Variants in SGCD observed in about 807,000 individuals in gnomAD.
The protein encoded by SGCD is sarcoglycan delta, also known as delta-sarcoglycan.
A neutral mutation model predicts 36.6 loss-of-function variants in SGCD; 18 were observed. That is an observed-to-expected ratio of 0.49 (90% confidence interval 0.34 to 0.73). SGCD has a LOEUF of 0.73. SGCD is among the 30% of genes least tolerant of loss of function. SGCD has a pLI of 0.01. For synonymous variants in SGCD, 133 were observed against 130.6 expected (o/e 1.02, Z -0.12); for missense variants, 387 against 346.7 (o/e 1.12, Z -0.92).
chr5:155,927,026 G>A (rs1020617981), intron 1 of SGCD, among the ~76,000 whole-genome samples: 1 of 152,062 alleles, frequency 6.6e-6, no homozygotes, highest in African/African-American at 2.4e-5. Flanking sequence ...CAATCACAGG[G>A]CAGCTCACTA....
chr5:155,802,603 T>A, the SGCD span, among the ~76,000 whole-genome samples: 1 of 152,236 alleles, frequency 6.6e-6, no homozygotes, highest in Admixed American at 6.5e-5. Flanking sequence ...GGCAAAATCA[T>A]ATGCTTGCGT....
chr5:155,999,926 A>G (rs1758630129), intron 1 of SGCD, among the ~76,000 whole-genome samples: 1 of 152,214 alleles, frequency 6.6e-6, no homozygotes. Flanking sequence ...TATTGGTATG[A>G]AGATTTAAAC....
chr5:156,072,270 A>G (rs10476273), intron 1 of SGCD, among the ~76,000 whole-genome samples: 38,970 of 151,444 alleles, frequency 0.26, 6,337 homozygotes, highest in African/African-American at 0.46. Context: ...GGCTGGTACC[A>G]GTTGTTCCTT....
intron 6 of SGCD, among the ~76,000 whole-genome samples, chr5:156,630,910 T>C (rs1314585608): frequency 6.6e-6 from 1 of 152,130 alleles, no homozygotes; most frequent in Admixed American, 6.5e-5. Context: ...GGTGAGTGCC[T>C]AACTCACAGC....
chr5:156,146,670 A>C (rs2127613108), intron 3 of SGCD, among the ~76,000 whole-genome samples: 1 of 152,360 alleles, frequency 6.6e-6, no homozygotes, highest in Non-Finnish European at 1.5e-5. Flanking sequence ...TATATTTTAC[A>C]GAGTGAGTGA....
chr5:156,529,980 A>G lies in SGCD; in HGVS notation c.294+21278A>G, dbSNP rs1319353105. On this transcript the variant is annotated intron_variant, in intron 4 of 8. Coordinates refer to ENST00000337851, the MANE Select transcript of SGCD (RefSeq NM_000337.6). Reference sequence around the variant, plus strand: ...TTTAAGATTGATAAATATTTCACAGATGCACTTGTTGCATATTGGAGGGGG... The same window carrying G: ...TTTAAGATTGATAAATATTTCACAGGTGCACTTGTTGCATATTGGAGGGGG... Among the ~76,000 whole-genome samples the G allele has an allele frequency of 2.0e-5, 3 of 152,226 alleles. No individual in the cohort carries two copies. The East Asian group carries it at 5.8e-4, about 29-fold the overall frequency.
At chr5:156,040,880 C>T (rs916318149) in intron 1 of SGCD, among the ~76,000 whole-genome samples, 1 of 152,140 alleles carries the variant, frequency 6.6e-6, no homozygotes, top group African/African-American at 2.4e-5. Context: ...GTGTAAGCCT[C>T]TAATTTAGGA....
At chr5:155,986,230 C>T (rs1758326774) in intron 1 of SGCD, among the ~76,000 whole-genome samples, 1 of 152,160 alleles carries the variant, frequency 6.6e-6, no homozygotes. Context: ...ATGGTGTACT[C>T]ACTTAAAATA....
At chr5:156,380,934 T>C (rs2127747617) in intron 3 of SGCD, among the ~76,000 whole-genome samples, 1 of 152,326 alleles carries the variant, frequency 6.6e-6, no homozygotes, top group East Asian at 1.9e-4. Flanking sequence ...GTGTGCATGG[T>C]GGTAGCATCA....
chr5:155,781,058 G>T, the SGCD span, among the ~76,000 whole-genome samples: 29 of 152,262 alleles, frequency 1.9e-4, no homozygotes, highest in Non-Finnish European at 3.2e-4. Flanking sequence ...GAAGTCAAGT[G>T]AGACTTTCAA....
intron 3 of SGCD, among the ~76,000 whole-genome samples, chr5:156,160,478 A>C (rs1346544322): frequency 6.6e-6 from 1 of 151,690 alleles, no homozygotes; most frequent in Admixed American, 6.6e-5. Context: ...TGCGTCCAGA[A>C]TCATATAAAT....
At chr5:156,158,623 T>A (rs1763017656) in intron 3 of SGCD, among the ~76,000 whole-genome samples, 1 of 151,604 alleles carries the variant, frequency 6.6e-6, no homozygotes, top group African/African-American at 2.4e-5. Context: ...AGAGAGCCCA[T>A]TAATGCAGTC....
chr5:156,554,504 A>T (rs58329639), intron 4 of SGCD, among the ~76,000 whole-genome samples: 1 of 151,414 alleles, frequency 6.6e-6, no homozygotes, highest in African/African-American at 2.4e-5. Flanking sequence ...GTATGCAGGT[A>T]TAGGAAAAAC....
chr5:156,510,414 T>G (rs928232990), intron 4 of SGCD, among the ~76,000 whole-genome samples: 3 of 152,178 alleles, frequency 2.0e-5, no homozygotes, highest in Non-Finnish European at 4.4e-5. Flanking sequence ...GCTCTTAATT[T>G]ATATCTTGTT....
chr5:156,465,532 C>T (rs545708693), intron 3 of SGCD, among the ~76,000 whole-genome samples: 1 of 152,102 alleles, frequency 6.6e-6, no homozygotes, highest in Non-Finnish European at 1.5e-5. Context: ...CAGTTTGTTT[C>T]CTTTGGTAAC....
intron 1 of SGCD, among the ~76,000 whole-genome samples, chr5:156,068,150 T>G (rs1760393197): frequency 6.6e-6 from 1 of 150,656 alleles, no homozygotes; most frequent in African/African-American, 2.5e-5. Context: ...ATTTTAAGTT[T>G]TAGGGTACAT....
the SGCD span, among the ~76,000 whole-genome samples, chr5:155,802,048 A>G: frequency 3.3e-5 from 5 of 152,168 alleles, no homozygotes; most frequent in Non-Finnish European, 7.3e-5. Flanking sequence ...TTCCCCAGCT[A>G]TAGCTGATAG....
rs143116123 is a variant in SGCD, at chr5:156,580,724, T to A, written c.295-8507T>A. Among the ~76,000 whole-genome samples, 598 of 152,348 alleles carry A rather than the reference T, an allele frequency of 3.9e-3. 4 individuals carry two copies. The highest frequency in any genetic ancestry group is 0.014 in the African/African-American group (573 of 41,594). The stretch of plus-strand genomic sequence containing the variant: ...GAAGCTTGTGCATGCATCACATAGT[T>A]CTAGTGCCATGGTTTTCAGCTCCAT... On this transcript the variant is annotated intron_variant, in intron 4 of 8. Coordinates refer to ENST00000337851, the MANE Select transcript of SGCD (RefSeq NM_000337.6).
At chr5:156,283,138 T>A (rs2127673979) in intron 3 of SGCD, among the ~76,000 whole-genome samples, 1 of 152,264 alleles carries the variant, frequency 6.6e-6, no homozygotes, top group South Asian at 2.1e-4. Flanking sequence ...GTTTAACTAA[T>A]GAGAAATGAA....
Sources: gnomAD v4.1 joint callset for allele counts (sites outside exome capture counted in the v4.1 genomes callset) on GRCh38, gnomAD v4.1.1 for gene constraint, MANE v1.5 for transcripts, NCBI Gene and HGNC (gene_info 2026-07-23, HGNC 2026-07-21) for gene names.